DAND5: variants seen among roughly 807,000 people sequenced by gnomAD.
The protein encoded by DAND5 is DAN domain BMP antagonist family member 5, also known as DAN domain family member 5.
In DAND5, 8 loss-of-function variants were observed where a neutral mutation model predicts 9.2. The observed-to-expected ratio is 0.87, with a 90% CI of 0.51 to 1.56. DAND5 has a LOEUF of 1.56. Among genes scored for constraint, DAND5 ranks in the 40% most tolerant of loss-of-function variants. DAND5 has a pLI of 0.00. For synonymous variants in DAND5, 95 were observed against 101.1 expected (o/e 0.94, Z 0.36); for missense variants, 244 against 244.7 (o/e 1.00, Z 0.02).
intron 1 of DAND5, 30 bp from the exon 2 acceptor site, chr19:12,973,359 C>A (rs1203797746): frequency 6.2e-7 from 1 of 1,609,048 alleles, no homozygotes; most frequent in South Asian, 1.1e-5. Context: ...AACTCCGCCA[C>A]CCTGACCGTC....
chr19:12,971,091 G>T (rs1470681115), intron 1 of DAND5, among the ~76,000 whole-genome samples: 1 of 152,144 alleles, frequency 6.6e-6, no homozygotes, highest in Non-Finnish European at 1.5e-5. Flanking sequence ...GAACTAACAT[G>T]CATTGAGCAC....
rs1406257649 is a variant in DAND5, at chr19:12,973,667, G to C, written c.*33G>C. 1 of 1,597,766 alleles carries C rather than the reference G, an allele frequency of 6.3e-7. No individual in the cohort carries two copies. Among genetic ancestry groups the C allele is most frequent in the African/African-American group, 1.3e-5 (1 of 74,686 alleles). ...ATCGTGGATGGGTGCACGGAGACAC[G>C]CACCTTGGAGAAATGAGGGGAGATG... is the stretch of plus-strand genomic sequence containing the variant. On this transcript the variant is annotated 3_prime_UTR_variant, in exon 2 of 2. Coordinates refer to ENST00000317060, the MANE Select transcript of DAND5 (RefSeq NM_152654.3).
intron 1 of DAND5, 120 bp downstream of exon 1, chr19:12,970,104 C>A: frequency 8.3e-7 from 1 of 1,201,388 alleles, no homozygotes; most frequent in Non-Finnish European, 1.1e-6. Context: ...GTCTCGGTGC[C>A]TCAGTTTCCT....
At position 12,969,758 on chromosome 19, in the gene DAND5, C is replaced by G; in HGVS notation, c.98C>G (p.Ser33Cys). 1 of 1,589,644 alleles carries G rather than the reference C, an allele frequency of 6.3e-7. No homozygotes were observed. The highest frequency in any genetic ancestry group is 1.2e-5 in the South Asian group (1 of 86,544). ...GAACCCCAGTCTCCTCGACCTCAGT[C>G]CTGGGCTGCAGCCAATCAGACCTGG... ...RPEPQSPRPQ[S>C]WAAANQTWAL... Residue 33 changes from serine (S) to cysteine (C), a missense_variant, in exon 1 of 2, where the codon TCC (serine) becomes TGC (cysteine). Physicochemically the swap from Ser to Cys is moderately radical, Grantham distance 112 (BLOSUM62 -1). Coordinates refer to ENST00000317060, the MANE Select transcript of DAND5 (RefSeq NM_152654.3).
chr19:12,969,906 C>T lies in DAND5; in HGVS notation c.246C>T (p.Asp82=), dbSNP rs140253089. The change falls in exon 1 of 2, where the codon GAC becomes GAT. Residue 82 remains aspartate (D), a synonymous_variant. Coordinates refer to ENST00000317060, the MANE Select transcript of DAND5 (RefSeq NM_152654.3). The part of the protein sequence containing the change: ...LGMGRLQRGQ[D]EVAAVTLPLN... ...TGGGCAGGCTGCAGCGTGGGCAAGA[C>T]GAGGTGGCTGCTGTGACTCTGCCGC... 106 of 1,614,168 alleles carry T rather than the reference C, an allele frequency of 6.6e-5. No individual in the cohort carries two copies. The African/African-American group carries it at 1.0e-3, about 15-fold the overall frequency.
Position 12,974,490 on chromosome 19 carries a change from G to C in DAND5, c.*856G>C, listed in dbSNP as rs1271716151. The C allele has an allele frequency of 1.3e-5, 2 of 148,968 alleles. No homozygotes were observed. Among genetic ancestry groups the C allele is most frequent in the Admixed American group, 1.4e-4 (2 of 14,800 alleles). 9.2% of individuals were successfully genotyped at this position (148,968 alleles called of 1,614,324 possible). A position where few individuals can be genotyped will look rare whatever the true frequency, so the allele number is the denominator to read the frequency against. On this transcript the variant is annotated 3_prime_UTR_variant, in exon 2 of 2. Transcript: ENST00000317060. ...GGGTAGATGGCCCCACCCAGACCGA[G>C]AGACACAGTGATGACCTCAGCCTAG... is the stretch of plus-strand genomic sequence containing the variant.
rs939172872 is a variant in DAND5 at position 12,974,428 on chromosome 19, T to TA, written c.*795dup. On this transcript the variant is annotated 3_prime_UTR_variant, in exon 2 of 2. Transcript: ENST00000317060. ...TTAATCATTAGGCTGAACTGTCTCTTATAGAATGAGGTCAAAGACACTCCC... is the reference window on the plus strand; with the variant it reads ...TTAATCATTAGGCTGAACTGTCTCTTAATAGAATGAGGTCAAAGACACTCCC... 28 of 151,750 alleles carry TA rather than the reference T, an allele frequency of 1.8e-4. No individual in the cohort carries two copies. Among genetic ancestry groups the TA allele is most frequent in the Admixed American group, 1.6e-3 (25 of 15,154 alleles). The allele number at this position is 151,750 out of a possible 1,614,324, so 9.4% of individuals were successfully genotyped here.
rs752417980 is a variant in DAND5, at chr19:12,969,938, C to A, written c.278C>A (p.Pro93His). The A allele has an allele frequency of 1.9e-6, 3 of 1,614,046 alleles. No homozygotes were observed. The highest frequency in any genetic ancestry group is 1.7e-5 in the Admixed American group (1 of 59,990). ...GCTGCTGTGACTCTGCCGCTGAACC[C>A]TCAGGAAGTGATCCAGGGGATGTGT... ...EVAAVTLPLN[P>H]QEVIQGMCKA... is the part of the protein sequence containing the mutation. The change falls in exon 1 of 2, where the codon CCT (proline) becomes CAT (histidine). Residue 93 changes from proline to histidine, a missense_variant. By Grantham distance (77) the Pro-to-His change is moderately conservative. Coordinates refer to ENST00000317060, the MANE Select transcript of DAND5 (RefSeq NM_152654.3).
rs2011158728 is a variant in DAND5, at chr19:12,973,632, T to C, written c.568T>C (p.Ter190ArgextTer66). Residue 190 changes from the stop codon to arginine (R), a stop_lost, in exon 2 of 2, where the codon TGA becomes CGA. Coordinates refer to ENST00000317060, the MANE Select transcript of DAND5 (RefSeq NM_152654.3). ...IEGCHCSPKA* is the reference protein window; with the variant it reads ...IEGCHCSPKAR Reference sequence around the variant, plus strand: ...GGGGTGTCACTGCAGCCCAAAAGCATGAACTGAGCATCGTGGATGGGTGCA... The same window carrying C: ...GGGGTGTCACTGCAGCCCAAAAGCACGAACTGAGCATCGTGGATGGGTGCA... The C allele has an allele frequency of 6.2e-7, 1 of 1,613,494 alleles. No homozygotes were observed. Among genetic ancestry groups the C allele is most frequent in the Non-Finnish European group, 8.5e-7 (1 of 1,179,782 alleles).
Position 12,973,432 on chromosome 19 carries a change from A to G in DAND5, c.368A>G (p.His123Arg), listed in dbSNP as rs2011156992. Residue 123 changes from histidine (H) to arginine (R), a missense_variant, in exon 2 of 2, where the codon CAT (histidine) becomes CGT (arginine). His to Arg is a conservative substitution (Grantham distance 29). Coordinates refer to ENST00000317060, the MANE Select transcript of DAND5 (RefSeq NM_152654.3). ...TGCTCAGCCATACGCCTCCGAAATC[A>G]TCTGTGCTTTGGTCATTGCTCCTCT... The part of the protein sequence containing the change: ...PGCSAIRLRN[H>R]LCFGHCSSLY... The G allele has an allele frequency of 1.2e-6, 2 of 1,613,888 alleles. No individual in the cohort carries two copies. Among genetic ancestry groups the G allele is most frequent in the Non-Finnish European group, 1.7e-6 (2 of 1,180,014 alleles).
Position 12,973,807 on chromosome 19 carries a change from T to G in DAND5, c.*173T>G, listed in dbSNP as rs2146067859. On this transcript the variant is annotated 3_prime_UTR_variant, in exon 2 of 2. Transcript: ENST00000317060. The stretch of plus-strand genomic sequence containing the variant: ...CCTGCTCCCCAGACAGTAGACACAG[T>G]GCCCGTCCTGGAGTTGCACCACTGA... 1.1e-6 allele frequency: 1 copy of G among 872,550 alleles called. No individual in the cohort carries two copies. Among genetic ancestry groups the G allele is most frequent in the Non-Finnish European group, 1.7e-6 (1 of 588,594 alleles). 54.1% of individuals were successfully genotyped at this position (872,550 alleles called of 1,614,324 possible).
intron 1 of DAND5, 115 bp downstream of exon 1, chr19:12,970,099 G>A: frequency 1.5e-5 from 19 of 1,270,772 alleles, no homozygotes; most frequent in Middle Eastern, 2.7e-4. Flanking sequence ...TGAATGTCTC[G>A]GTGCCTCAGT....
In DAND5 at chr19:12,970,561, T is replaced by A. The variant is rs1382840666; in HGVS notation, c.324+577T>A. 4 of 500,842 alleles carry A rather than the reference T, an allele frequency of 8.0e-6. No homozygotes were observed. The South Asian group carries it at 1.2e-4, about 15-fold the overall frequency. 31.0% of individuals were successfully genotyped at this position (500,842 alleles called of 1,614,324 possible). ...GTGTGAGCCCGTCTCTTGCTTGATA[T>A]ACCAACTTTCTTTCTTTTCTTTCTT... is the stretch of plus-strand genomic sequence containing the variant. On this transcript the variant is annotated intron_variant, in intron 1 of 1. Coordinates refer to ENST00000317060, the MANE Select transcript of DAND5 (RefSeq NM_152654.3).
rs550505363 is a variant in DAND5 at position 12,971,945 on chromosome 19, C to G, written c.325-1444C>G. ...TTACTCTGTCACCCAGGCTGGAGTA[C>G]AGTGGTGCGATCATAGCTCACTGCA... On this transcript the variant is annotated intron_variant, in intron 1 of 1. Coordinates refer to ENST00000317060, the MANE Select transcript of DAND5 (RefSeq NM_152654.3). 1.6e-4 allele frequency among the ~76,000 whole-genome samples: 24 copies of G among 151,870 alleles called. No homozygotes were observed. The South Asian group carries it at 5.0e-3, about 32-fold the overall frequency.
rs2011138602 is a variant in DAND5 at position 12,969,995 on chromosome 19, G to C, written c.324+11G>C. 2 of 1,613,158 alleles carry C rather than the reference G, an allele frequency of 1.2e-6. No individual in the cohort carries two copies. Among genetic ancestry groups the C allele is most frequent in the Non-Finnish European group, 1.7e-6 (2 of 1,179,964 alleles). Reference sequence around the variant, plus strand: ...GTGCCCTTCGTTCAGGTGAGTGGGTGGGTGTGGGGAGGAGAGGGCTGGGTC... The same window carrying C: ...GTGCCCTTCGTTCAGGTGAGTGGGTCGGTGTGGGGAGGAGAGGGCTGGGTC... On this transcript the variant is annotated intron_variant, in intron 1 of 1. Coordinates refer to ENST00000317060, the MANE Select transcript of DAND5 (RefSeq NM_152654.3).
chr19:12,971,736 G>A lies in DAND5; in HGVS notation c.325-1653G>A, dbSNP rs538028578. On this transcript the variant is annotated intron_variant, in intron 1 of 1. Coordinates refer to ENST00000317060, the MANE Select transcript of DAND5 (RefSeq NM_152654.3). ...CTCCCGAGTAGCTGGGACCACGGGC[G>A]CCTGCCACCATGCTCAGCTAATTTC... is the stretch of plus-strand genomic sequence containing the variant. Among the ~76,000 whole-genome samples, 27 of 151,724 alleles carry A rather than the reference G, an allele frequency of 1.8e-4. No individual in the cohort carries two copies. In the East Asian group the frequency reaches 3.7e-3, roughly 21 times the overall value.
At chr19:12,970,333 A>C (rs899645792) in intron 1 of DAND5, 2 of 623,114 alleles carry the variant, frequency 3.2e-6, no homozygotes, top group Non-Finnish European at 5.8e-6. Context: ...AAATTTCTGT[A>C]CTCTCTGATC....
At position 12,969,963 on chromosome 19, in the gene DAND5, T is replaced by C. The variant is rs1219726169; in HGVS notation, c.303T>C (p.Cys101=). 1 of 1,614,010 alleles carries C rather than the reference T, an allele frequency of 6.2e-7. No homozygotes were observed. The highest frequency in any genetic ancestry group is 1.3e-5 in the African/African-American group (1 of 75,022). ...LNPQEVIQGM[C]KAVPFVQVFS... The stretch of plus-strand genomic sequence containing the variant: ...CTCAGGAAGTGATCCAGGGGATGTG[T>C]AAGGCTGTGCCCTTCGTTCAGGTGA... Residue 101 remains cysteine, a synonymous_variant, in exon 1 of 2, where the codon TGT becomes TGC. Transcript: ENST00000317060.
chr19:12,972,308 G>A (rs1056301910), intron 1 of DAND5, among the ~76,000 whole-genome samples: 9 of 151,656 alleles, frequency 5.9e-5, no homozygotes, highest in Admixed American at 2.0e-4. Flanking sequence ...ATCTGCCTGC[G>A]TTGGCCTCCC....
Sources: gnomAD v4.1 joint callset for allele counts (sites outside exome capture counted in the v4.1 genomes callset) on GRCh38, gnomAD v4.1.1 for gene constraint, MANE v1.5 for transcripts, NCBI Gene and HGNC (gene_info 2026-07-23, HGNC 2026-07-21) for gene names.